The following MDGA2 variants were observed in gnomAD, a reference collection of about 807,000 sequenced individuals.
MDGA2 encodes the protein MAM domain containing glycosylphosphatidylinositol anchor 2.
Under a neutral mutation model 117.8 loss-of-function variants are expected in MDGA2, and 40 were observed. The observed-to-expected ratio is 0.34, with a 90% CI of 0.26 to 0.44. The LOEUF (loss-of-function observed/expected upper bound fraction) is 0.44, where lower values mean the gene tolerates loss of function less well. MDGA2 is among the 20% of genes least tolerant of loss of function. The pLI is 1.00. For missense variants in MDGA2, 1,123 were observed against 1,250.6 expected (o/e 0.90, Z 1.54); for synonymous variants, 452 against 439.0 (o/e 1.03, Z -0.37).
intron 8 of MDGA2, among the ~76,000 whole-genome samples, chr14:47,019,197 T>C (rs1320944448): frequency 6.6e-6 from 1 of 152,116 alleles, no homozygotes; most frequent in Non-Finnish European, 1.5e-5. Context: ...GAATGAAGCA[T>C]TAAAAAGTAA....
chr14:47,646,126 C>T (rs919513804), intron 1 of MDGA2, among the ~76,000 whole-genome samples: 4 of 149,656 alleles, frequency 2.7e-5, no homozygotes, highest in East Asian at 2.0e-4. Context: ...AGTTTGACTA[C>T]GTCATGTAAA....
chr14:47,321,053 A>T (rs1453662243), intron 1 of MDGA2, among the ~76,000 whole-genome samples: 2 of 152,220 alleles, frequency 1.3e-5, no homozygotes, highest in African/African-American at 4.8e-5. Context: ...TAGGAAACAC[A>T]TGTAAAGCAT....
chr14:47,314,887 A>G (rs1889757864), intron 1 of MDGA2, among the ~76,000 whole-genome samples: 1 of 152,194 alleles, frequency 6.6e-6, no homozygotes, highest in South Asian at 2.1e-4. Context: ...CGAGAAATCC[A>G]TAATATATTG....
chr14:47,252,801 G>T (rs1438061720), intron 2 of MDGA2, among the ~76,000 whole-genome samples: 2 of 152,184 alleles, frequency 1.3e-5, no homozygotes, highest in Non-Finnish European at 2.9e-5. Context: ...ATGTACACGT[G>T]TATTAGTCCA....
At chr14:46,910,812 C>T (rs1883669516) in intron 10 of MDGA2, among the ~76,000 whole-genome samples, 2 of 152,136 alleles carry the variant, frequency 1.3e-5, no homozygotes, top group South Asian at 4.1e-4. Flanking sequence ...GCTACGCAGC[C>T]ATAAAAACGA....
At chr14:46,909,978 T>C (rs1258117893) in intron 10 of MDGA2, among the ~76,000 whole-genome samples, 1 of 152,186 alleles carries the variant, frequency 6.6e-6, no homozygotes. Context: ...TGTTTATAAA[T>C]GTTACAATTT....
chr14:47,296,022 G>A (rs576670783), intron 2 of MDGA2, among the ~76,000 whole-genome samples: 40 of 152,142 alleles, frequency 2.6e-4, no homozygotes, highest in African/African-American at 9.4e-4. Flanking sequence ...GTACAGAAAA[G>A]AATAACAGTA....
chr14:47,058,741 G>A, intron 7 of MDGA2: 1 of 985,250 alleles, frequency 1.0e-6, no homozygotes, highest in Non-Finnish European at 1.2e-6. Flanking sequence ...GTCAGTTTTG[G>A]CTTGAAGACA....
At chr14:47,098,216 T>C (rs1594617526) in intron 5 of MDGA2, among the ~76,000 whole-genome samples, 1 of 107,786 alleles carries the variant, frequency 9.3e-6, no homozygotes, top group Non-Finnish European at 1.8e-5. Flanking sequence ...TTACTCAGAA[T>C]AAAAGCTAGA....
intron 7 of MDGA2, among the ~76,000 whole-genome samples, chr14:47,049,211 T>C (rs182680484): frequency 3.3e-5 from 5 of 152,170 alleles, no homozygotes; most frequent in Admixed American, 6.6e-5. Context: ...CTGCTTGTCA[T>C]TTTATTATTT....
intron 1 of MDGA2, among the ~76,000 whole-genome samples, chr14:47,481,058 C>T (rs12436176): frequency 0.12 from 17,477 of 151,834 alleles, 1,227 homozygotes; most frequent in Non-Finnish European, 0.14. Flanking sequence ...CAAGTAATAT[C>T]GCTAAACAGT....
chr14:47,258,988 A>C (rs1161738946), intron 2 of MDGA2, among the ~76,000 whole-genome samples: 1 of 152,110 alleles, frequency 6.6e-6, no homozygotes, highest in Non-Finnish European at 1.5e-5. Flanking sequence ...GTATATCTTC[A>C]ATTATGTTGA....
intron 1 of MDGA2, among the ~76,000 whole-genome samples, chr14:47,389,616 A>ACC (rs1566765635): frequency 3.0e-4 from 22 of 74,236 alleles, no homozygotes; most frequent in Non-Finnish European, 5.5e-4. Flanking sequence ...CCACACACAC[A>ACC]CACACACACA....
intron 1 of MDGA2, among the ~76,000 whole-genome samples, chr14:47,430,698 A>C (rs577009302): frequency 6.6e-6 from 1 of 152,238 alleles, no homozygotes; most frequent in Non-Finnish European, 1.5e-5. Context: ...TATATCAAGT[A>C]AGCACTTGGA....
At chr14:47,370,599 C>T (rs1172822152) in intron 1 of MDGA2, among the ~76,000 whole-genome samples, 1 of 146,432 alleles carries the variant, frequency 6.8e-6, no homozygotes, top group Non-Finnish European at 1.5e-5. Context: ...ACAGTATCCA[C>T]ATGTAAGAAT....
At chr14:47,131,977 G>A in intron 4 of MDGA2, 131 bp from the exon 5 acceptor site, 3 of 645,716 alleles carry the variant, frequency 4.6e-6, no homozygotes, top group Non-Finnish European at 6.9e-6. Flanking sequence ...CTTTTTTTAA[G>A]GGAAATGTCC....
At chr14:46,981,381 G>A (rs1886666810) in intron 8 of MDGA2, among the ~76,000 whole-genome samples, 1 of 152,012 alleles carries the variant, frequency 6.6e-6, no homozygotes. Flanking sequence ...TCCAGCCTGG[G>A]TGACAGAGGG....
chr14:47,077,296 T>C (rs965959809), intron 6 of MDGA2, among the ~76,000 whole-genome samples: 4 of 152,140 alleles, frequency 2.6e-5, no homozygotes, highest in Non-Finnish European at 4.4e-5. Context: ...TCAGCTCTTA[T>C]TCCTTACAAT....
chr14:47,090,471 C>A (rs552559402), intron 6 of MDGA2, among the ~76,000 whole-genome samples: 1 of 152,030 alleles, frequency 6.6e-6, no homozygotes, highest in African/African-American at 2.4e-5. Flanking sequence ...TTTGCAGAGG[C>A]CATGGGTTCA....
Sources: allele counts gnomAD v4.1 joint callset (sites outside exome capture counted in the v4.1 genomes callset), GRCh38; gene constraint gnomAD v4.1.1; transcripts MANE v1.5; gene names NCBI Gene and HGNC (gene_info 2026-07-23, HGNC 2026-07-21).